TMEM51: variants seen among roughly 807,000 people sequenced by gnomAD.
TMEM51 encodes the protein transmembrane protein 51, also known as chromosome 1 open reading frame 72.
TMEM51 carries 8 observed loss-of-function variants against 13.6 expected under a neutral mutation model. The ratio of observed to expected loss-of-function variants is 0.59; its 90% CI spans 0.35 to 1.07. The LOEUF is 1.07. Ranked by LOEUF, TMEM51 falls within the 50% of genes least tolerant of loss-of-function variation. The probability of loss-of-function intolerance (pLI) is 0.02; values close to 1 mark genes in which losing one functional copy is unlikely to be tolerated. For missense variants in TMEM51, 279 were observed against 330.7 expected, an observed-to-expected ratio of 0.84 and a Z score of 1.21; for synonymous variants, 147 against 144.4, an observed-to-expected ratio of 1.02 and a Z score of -0.13.
chr1:15,159,277 C>T (rs1425423520), intron 1 of TMEM51, among the ~76,000 whole-genome samples: 1 of 152,180 alleles, frequency 6.6e-6, no homozygotes, highest in African/African-American at 2.4e-5. Flanking sequence ...GCCTTTGCTG[C>T]AGGGGAGGTA....
intron 1 of TMEM51, among the ~76,000 whole-genome samples, chr1:15,188,084 C>T (rs905114520): frequency 2.0e-5 from 3 of 152,194 alleles, no homozygotes; most frequent in Admixed American, 1.3e-4. Flanking sequence ...GTTTTTGGCT[C>T]ATACAACGGA....
At chr1:15,169,566 C>T (rs1643162169) in intron 1 of TMEM51, among the ~76,000 whole-genome samples, 1 of 152,214 alleles carries the variant, frequency 6.6e-6, no homozygotes, top group African/African-American at 2.4e-5. Flanking sequence ...CACCATGTTA[C>T]TGCTCATTGC....
At chr1:15,190,815 TCTCA>T (rs1357256285) in intron 1 of TMEM51, among the ~76,000 whole-genome samples, 1 of 152,096 alleles carries the variant, frequency 6.6e-6, no homozygotes, top group East Asian at 1.9e-4. Context: ...TGAGACAGAG[TCTCA>T]CTCTGTCGCC....
chr1:15,156,750 G>C (rs1302150527), intron 1 of TMEM51, among the ~76,000 whole-genome samples: 2 of 152,218 alleles, frequency 1.3e-5, no homozygotes, highest in African/African-American at 2.4e-5. Context: ...AAAACTCAGA[G>C]AGGGGATGGG....
At chr1:15,197,933 C>T (rs952962370) in intron 1 of TMEM51, among the ~76,000 whole-genome samples, 8 of 136,012 alleles carry the variant, frequency 5.9e-5, no homozygotes, top group African/African-American at 2.0e-4. Context: ...TGTGGACAGG[C>T]GTAGCTTTGG....
chr1:15,176,266 A>T lies in TMEM51; in HGVS notation c.-267+22312A>T, dbSNP rs115658193. Among the ~76,000 whole-genome samples, 1,290 of 152,272 alleles carry T rather than the reference A, an allele frequency of 8.5e-3. 22 individuals are homozygous for T. The highest frequency in any genetic ancestry group is 0.028 in the African/African-American group (1,157 of 41,526). On this transcript the variant is annotated intron_variant, in intron 1 of 3. Coordinates refer to ENST00000376008, the MANE Select transcript of TMEM51 (RefSeq NM_001136218.2). ...CCCAGTGTTAGAGGAGTCCCAGAAA[A>T]ATATAAAAAGCCCCAGAGGCGGCAG...
chr1:15,177,131 C>G (rs1643477824), intron 1 of TMEM51, among the ~76,000 whole-genome samples: 1 of 152,106 alleles, frequency 6.6e-6, no homozygotes, highest in Non-Finnish European at 1.5e-5. Flanking sequence ...TGACTCAGCA[C>G]CATGTGAGAA....
At chr1:15,199,488 G>A (rs1644113086) in intron 1 of TMEM51, among the ~76,000 whole-genome samples, 1 of 152,184 alleles carries the variant, frequency 6.6e-6, no homozygotes, top group Non-Finnish European at 1.5e-5. Context: ...GGGTGGGCTA[G>A]CCACGGGTTG....
At chr1:15,179,435 C>T (rs1643545437) in intron 1 of TMEM51, among the ~76,000 whole-genome samples, 1 of 152,156 alleles carries the variant, frequency 6.6e-6, no homozygotes, top group African/African-American at 2.4e-5. Flanking sequence ...ACAGGCCACA[C>T]CATGGGTGAG....
At position 15,207,356 on chromosome 1, in the gene TMEM51, G is replaced by A. The variant is rs1241537391; in HGVS notation, c.-266-3134G>A. Among the ~76,000 whole-genome samples, 1 of 152,258 alleles carries A rather than the reference G, an allele frequency of 6.6e-6. No homozygotes were observed. Among genetic ancestry groups the A allele is most frequent in the Non-Finnish European group, 1.5e-5 (1 of 68,044 alleles). On this transcript the variant is annotated intron_variant, in intron 1 of 3. Transcript: ENST00000376008. This position sits in a 1 kb window ranked among gnomAD's most constrained non-coding sequence, Gnocchi z 4.6. ...ACATCCGATTCCCAGTTTCTAAACT[G>A]TGTCCTGGAGAGTTTCTGCAATTCA...
intron 1 of TMEM51, among the ~76,000 whole-genome samples, chr1:15,201,881 G>C (rs1319219557): frequency 6.6e-6 from 1 of 152,190 alleles, no homozygotes; most frequent in Non-Finnish European, 1.5e-5. Context: ...AAAAGTCTGG[G>C]AACACAGAGG....
intron 1 of TMEM51, chr1:15,168,927 C>T (rs192182368): frequency 1.0e-6 from 1 of 994,770 alleles, no homozygotes; most frequent in African/African-American, 1.7e-5. Flanking sequence ...TCCCATCACT[C>T]TTAAGTCATT....
At chr1:15,154,196 GGCTGGGGAAGGCA>G (rs1343926922) in intron 1 of TMEM51, among the ~76,000 whole-genome samples, 8 of 152,270 alleles carry the variant, frequency 5.3e-5, no homozygotes, top group African/African-American at 1.9e-4. Flanking sequence ...AGCTGGCCTC[GGCTGGGGAAGGCA>G]GCTGGCCTTG....
chr1:15,178,064 C>A (rs1557839567), intron 1 of TMEM51, among the ~76,000 whole-genome samples: 1 of 152,206 alleles, frequency 6.6e-6, no homozygotes, highest in Non-Finnish European at 1.5e-5. Flanking sequence ...GAACCTTTGA[C>A]CCTGGCTCAA....
intron 3 of TMEM51, among the ~76,000 whole-genome samples, chr1:15,216,324 G>A (rs911536895): frequency 6.6e-6 from 1 of 152,140 alleles, no homozygotes; most frequent in Non-Finnish European, 1.5e-5. Context: ...TATAAAAAGA[G>A]CTCTTAGAAA....
chr1:15,200,511 CAG>C (rs1024889972), intron 1 of TMEM51, among the ~76,000 whole-genome samples: 2 of 151,344 alleles, frequency 1.3e-5, no homozygotes, highest in East Asian at 3.9e-4. Context: ...CTACAGGCCA[CAG>C]AGAGAGGCCT....
intron 1 of TMEM51, among the ~76,000 whole-genome samples, chr1:15,177,967 C>A (rs1643500504): frequency 6.6e-6 from 1 of 152,226 alleles, no homozygotes; most frequent in Admixed American, 6.5e-5. Context: ...ACTTATCAAA[C>A]CCTTTTCATG....
At chr1:15,179,855 G>A (rs191913941) in intron 1 of TMEM51, among the ~76,000 whole-genome samples, 177 of 152,330 alleles carry the variant, frequency 1.2e-3, no homozygotes, top group Non-Finnish European at 1.9e-3. Flanking sequence ...AGGCAGAAAG[G>A]TAGACTGAAA....
At chr1:15,171,141 C>A in intron 1 of TMEM51, 1 of 1,157,216 alleles carries the variant, frequency 8.6e-7, no homozygotes, top group Non-Finnish European at 1.2e-6. Context: ...GTTGCTGATT[C>A]AGTAGGTCTG....
Sources: allele counts gnomAD v4.1 joint callset (sites outside exome capture counted in the v4.1 genomes callset), GRCh38; gene constraint gnomAD v4.1.1; non-coding constraint Gnocchi (gnomAD v3.1); transcripts MANE v1.5; gene names NCBI Gene and HGNC (gene_info 2026-07-23, HGNC 2026-07-21).